Variants in FBXL2 observed in about 807,000 individuals in gnomAD.
The protein encoded by FBXL2 is F-box/LRR-repeat protein 2.
In FBXL2, 38 loss-of-function variants were observed where a neutral mutation model predicts 69.2. The observed-to-expected ratio is 0.55, with a 90% CI of 0.42 to 0.72. The LOEUF (loss-of-function observed/expected upper bound fraction) is 0.72. Ranked by LOEUF, FBXL2 falls within the 30% of genes least tolerant of loss-of-function variation. FBXL2 has a pLI of 0.00. For synonymous variants in FBXL2, 192 were observed against 201.3 expected (o/e 0.95, Z 0.39); for missense variants, 354 against 520.3 (o/e 0.68, Z 3.11).
intron 13 of FBXL2, among the ~76,000 whole-genome samples, chr3:33,381,633 AT>A (rs1432138084): frequency 6.9e-5 from 10 of 145,328 alleles, no homozygotes; most frequent in Admixed American, 6.4e-4. Flanking sequence ...TCAAAAAAAA[AT>A]AAATAAAAAT....
chr3:33,277,504 T>A lies in FBXL2; in HGVS notation c.-9T>A. ...TTCGGGCTGTGGGCTCGCTCGCGGC[T>A]CTTCGGCCATGGTGAGTCTGGGACC... is the stretch of plus-strand genomic sequence containing the variant. On this transcript the variant is annotated 5_prime_UTR_variant, in exon 1 of 15. Coordinates refer to ENST00000484457, the MANE Select transcript of FBXL2 (RefSeq NM_012157.5). 1 of 1,300,378 alleles carries A rather than the reference T, an allele frequency of 7.7e-7. No individual in the cohort carries two copies. Among genetic ancestry groups the A allele is most frequent in the Non-Finnish European group, 9.8e-7 (1 of 1,015,526 alleles). The allele number at this position is 1,300,378 out of a possible 1,614,324, so 80.6% of individuals were successfully genotyped here.
chr3:33,406,290 C>T (rs908627896), downstream of FBXL2, among the ~76,000 whole-genome samples: 2 of 152,056 alleles, frequency 1.3e-5, no homozygotes, highest in African/African-American at 4.8e-5. Flanking sequence ...TTTTTCTTTC[C>T]ACCTTACAAA....
intron 4 of FBXL2, among the ~76,000 whole-genome samples, chr3:33,362,780 A>C (rs2041716109): frequency 6.6e-6 from 1 of 151,864 alleles, no homozygotes; most frequent in African/African-American, 2.4e-5. Flanking sequence ...CTATTTGTAG[A>C]CATTGGTGTA....
At chr3:33,376,883 C>A (rs2042674777) in intron 10 of FBXL2, among the ~76,000 whole-genome samples, 1 of 152,056 alleles carries the variant, frequency 6.6e-6, no homozygotes, top group Non-Finnish European at 1.5e-5. Flanking sequence ...CACCTGTAGT[C>A]CCAGCTACTT....
At chr3:33,316,356 G>A (rs2037692045) in intron 2 of FBXL2, among the ~76,000 whole-genome samples, 1 of 152,098 alleles carries the variant, frequency 6.6e-6, no homozygotes, top group Admixed American at 6.6e-5. Flanking sequence ...ACCACGCCGA[G>A]CCACCACGCC....
At chr3:33,394,087 G>A (rs920560994) in intron 12 of FBXL2, among the ~76,000 whole-genome samples, 7 of 151,576 alleles carry the variant, frequency 4.6e-5, no homozygotes, top group Non-Finnish European at 8.9e-5. Context: ...CACAATCACA[G>A]CTCACTGTAG....
intron 2 of FBXL2, among the ~76,000 whole-genome samples, chr3:33,355,967 T>C (rs1193773117): frequency 6.6e-6 from 1 of 152,182 alleles, no homozygotes; most frequent in African/African-American, 2.4e-5. Flanking sequence ...TTCAACTACT[T>C]TCAGTTTAAA....
intron 13 of FBXL2, among the ~76,000 whole-genome samples, chr3:33,381,118 C>T (rs1390482649): frequency 6.6e-6 from 1 of 152,012 alleles, no homozygotes; most frequent in African/African-American, 2.4e-5. Context: ...CTCTGATTTT[C>T]CTTAAATCAG....
chr3:33,305,547 TG>T (rs895001619), intron 2 of FBXL2, among the ~76,000 whole-genome samples: 2 of 151,948 alleles, frequency 1.3e-5, no homozygotes, highest in African/African-American at 4.8e-5. Context: ...GATTTTTTTT[TG>T]AATTAATATA....
intron 2 of FBXL2, among the ~76,000 whole-genome samples, chr3:33,342,898 T>TTTG (rs1398335473): frequency 3.5e-5 from 5 of 144,120 alleles, no homozygotes; most frequent in Non-Finnish European, 7.5e-5. Context: ...CAGCTGTTTT[T>TTTG]TTTTTTTTTT....
chr3:33,322,078 T>TTTA, intron 2 of FBXL2, among the ~76,000 whole-genome samples: 1 of 129,712 alleles, frequency 7.7e-6, no homozygotes, highest in African/African-American at 3.0e-5. Context: ...TTTTTTTTTT[T>TTTA]TTTTTTTTTT....
intron 1 of FBXL2, among the ~76,000 whole-genome samples, chr3:33,294,619 A>C (rs911265918): frequency 6.6e-6 from 1 of 152,112 alleles, no homozygotes; most frequent in Non-Finnish European, 1.5e-5. Flanking sequence ...CAGAAGGATC[A>C]GTTGAGCCCA....
At chr3:33,397,164 A>C (rs748953921) in intron 12 of FBXL2, 2 of 1,519,894 alleles carry the variant, frequency 1.3e-6, no homozygotes, top group Non-Finnish European at 8.9e-7. Flanking sequence ...ATTTTTCTCA[A>C]ATAAATGGAA....
chr3:33,313,024 G>A (rs2037349345), intron 2 of FBXL2, among the ~76,000 whole-genome samples: 1 of 151,972 alleles, frequency 6.6e-6, no homozygotes, highest in African/African-American at 2.4e-5. Context: ...GGAGGCTGAG[G>A]CAGGAGAACT....
At chr3:33,394,803 C>A (rs1306329557) in intron 12 of FBXL2, among the ~76,000 whole-genome samples, 1 of 148,848 alleles carries the variant, frequency 6.7e-6, no homozygotes, top group African/African-American at 2.5e-5. Flanking sequence ...TGGGCCAATT[C>A]CTGCCCTCCA....
At chr3:33,346,454 C>T (rs2040443685) in intron 2 of FBXL2, among the ~76,000 whole-genome samples, 1 of 151,786 alleles carries the variant, frequency 6.6e-6, no homozygotes, top group African/African-American at 2.4e-5. Flanking sequence ...TGCCTGTAGT[C>T]CTAACTACTC....
Position 33,373,419 on chromosome 3 carries a change from C to T in FBXL2, c.455+64C>T, listed in dbSNP as rs6550220. 6,294 of 1,528,412 alleles carry T rather than the reference C, an allele frequency of 4.1e-3. 201 individuals carry two copies. In the African/African-American group the frequency reaches 0.073, roughly 18 times the overall value. 94.7% of individuals were successfully genotyped at this position (1,528,412 alleles called of 1,614,324 possible). ...AAGCTATGAACATTCTGGAAACCTT[C>T]TTAATGGTCACGTTGGATCCAGCAA... is the stretch of plus-strand genomic sequence containing the variant. On this transcript the variant is annotated intron_variant, in intron 7 of 14. Transcript: ENST00000484457.
chr3:33,298,135 A>G (rs1286687359), intron 2 of FBXL2, among the ~76,000 whole-genome samples: 1 of 152,236 alleles, frequency 6.6e-6, no homozygotes, highest in Non-Finnish European at 1.5e-5. Context: ...AAATAAGCAC[A>G]GTTATGATAT....
intron 2 of FBXL2, among the ~76,000 whole-genome samples, chr3:33,334,884 C>G (rs1385662317): frequency 1.3e-5 from 2 of 151,992 alleles, no homozygotes; most frequent in Non-Finnish European, 2.9e-5. Context: ...AATTTAAGAT[C>G]AGCCTGAGCA....
Sources: allele counts gnomAD v4.1 joint callset (sites outside exome capture counted in the v4.1 genomes callset), GRCh38; gene constraint gnomAD v4.1.1; transcripts MANE v1.5; gene names NCBI Gene and HGNC (gene_info 2026-07-23, HGNC 2026-07-21).